The following LRRTM4 variants were observed in gnomAD, a reference collection of about 807,000 sequenced individuals.
The protein encoded by LRRTM4 is leucine rich repeat transmembrane neuronal 4.
A neutral mutation model predicts 47.6 loss-of-function variants in LRRTM4; 25 were observed. That is an observed-to-expected ratio of 0.53 (90% confidence interval 0.38 to 0.73). LRRTM4 has a LOEUF of 0.73. LRRTM4 is among the 30% of genes least tolerant of loss of function. The probability of loss-of-function intolerance (pLI) is 0.00; values close to 1 mark genes in which losing one functional copy is unlikely to be tolerated. For synonymous variants in LRRTM4, 311 were observed against 269.5 expected (o/e 1.15, Z -1.51); for missense variants, 638 against 713.4 (o/e 0.89, Z 1.20).
At chr2:76,829,408 G>A (rs923032372) in intron 3 of LRRTM4, among the ~76,000 whole-genome samples, 4 of 151,754 alleles carry the variant, frequency 2.6e-5, no homozygotes, top group East Asian at 1.9e-4. Context: ...CTAAGGATTC[G>A]GTTTAATCCT....
chr2:77,411,039 A>G (rs770852291), intron 3 of LRRTM4, among the ~76,000 whole-genome samples: 6 of 152,216 alleles, frequency 3.9e-5, no homozygotes, highest in Non-Finnish European at 8.8e-5. Flanking sequence ...ATAAATCCTG[A>G]GCATTAGAAA....
chr2:77,308,064 A>G (rs13393008), intron 3 of LRRTM4, among the ~76,000 whole-genome samples: 65 of 142,514 alleles, frequency 4.6e-4, no homozygotes, highest in African/African-American at 1.6e-3. Flanking sequence ...ATATCTATAT[A>G]TCTATATAAC....
chr2:77,348,334 A>G (rs975335146), intron 3 of LRRTM4, among the ~76,000 whole-genome samples: 8 of 151,812 alleles, frequency 5.3e-5, no homozygotes, highest in African/African-American at 1.7e-4. Flanking sequence ...AAATTTTAAA[A>G]AAGGAAATTT....
chr2:77,084,698 G>A (rs1680652296), intron 3 of LRRTM4, among the ~76,000 whole-genome samples: 1 of 152,062 alleles, frequency 6.6e-6, no homozygotes. Context: ...AGCATCAGCT[G>A]GTGTCATCAT....
At chr2:77,116,205 G>T (rs1671384633) in intron 3 of LRRTM4, among the ~76,000 whole-genome samples, 1 of 151,080 alleles carries the variant, frequency 6.6e-6, no homozygotes, top group African/African-American at 2.4e-5. Context: ...TTAATATACT[G>T]AATTCTGAAT....
At position 77,519,461 on chromosome 2, in the gene LRRTM4, G is replaced by T. The variant is rs1679386892; in HGVS notation, c.408C>A (p.Arg136=). ...GCTTATTGTAGGAGAGGTCCAGATT[G>T]CGGAGATTGGGAACTGGGTGAAATG... ...NKTFHPVPNL[R]NLDLSYNKLQ... Residue 136 remains arginine (R), a synonymous_variant, in exon 3 of 4, where the codon CGC becomes CGA. Transcript: ENST00000409884. The surrounding 1 kb of genome is among the most constrained non-coding windows in gnomAD (Gnocchi z 4.6). 1 of 1,613,492 alleles carries T rather than the reference G, an allele frequency of 6.2e-7. No homozygotes were observed. Among genetic ancestry groups the T allele is most frequent in the Non-Finnish European group, 8.5e-7 (1 of 1,179,642 alleles).
intron 3 of LRRTM4, among the ~76,000 whole-genome samples, chr2:76,957,230 T>C (rs879838323): frequency 7.9e-5 from 12 of 151,666 alleles, no homozygotes; most frequent in Non-Finnish European, 1.0e-4. Flanking sequence ...GAACCAGATG[T>C]AGAATACTGG....
At chr2:77,069,424 TG>T (rs1357860772) in intron 3 of LRRTM4, among the ~76,000 whole-genome samples, 56 of 148,536 alleles carry the variant, frequency 3.8e-4, no homozygotes, top group African/African-American at 1.4e-3. Flanking sequence ...TGTGTGTGTG[TG>T]TGTGTGTGTG....
chr2:77,079,149 T>C (rs1349522969), intron 3 of LRRTM4, among the ~76,000 whole-genome samples: 1 of 152,174 alleles, frequency 6.6e-6, no homozygotes, highest in African/African-American at 2.4e-5. Context: ...ACACTACAAG[T>C]AAAAAGAAAC....
intron 3 of LRRTM4, among the ~76,000 whole-genome samples, chr2:77,116,777 C>T (rs892964647): frequency 2.6e-5 from 4 of 152,030 alleles, no homozygotes; most frequent in Non-Finnish European, 5.9e-5. Flanking sequence ...AAACAACCTC[C>T]CTTTCTGTTT....
intron 3 of LRRTM4, among the ~76,000 whole-genome samples, chr2:77,143,552 T>C (rs1160049298): frequency 6.6e-6 from 1 of 152,178 alleles, no homozygotes; most frequent in East Asian, 1.9e-4. Context: ...TAAATTACTT[T>C]GTCTCTCCAA....
chr2:76,960,354 G>C (rs1387951501), intron 3 of LRRTM4, among the ~76,000 whole-genome samples: 1 of 151,356 alleles, frequency 6.6e-6, no homozygotes, highest in Non-Finnish European at 1.5e-5. Context: ...TTTGTTTTAT[G>C]ATTTTCTATT....
At chr2:76,863,908 A>G (rs976700852) in intron 3 of LRRTM4, among the ~76,000 whole-genome samples, 4 of 152,188 alleles carry the variant, frequency 2.6e-5, no homozygotes, top group African/African-American at 9.6e-5. Flanking sequence ...CATCTCATTT[A>G]ATAAGAATAA....
chr2:76,939,622 A>C (rs1256719006), intron 3 of LRRTM4, among the ~76,000 whole-genome samples: 1 of 152,028 alleles, frequency 6.6e-6, no homozygotes. Flanking sequence ...TACTTGTTAT[A>C]AAAAATATCC....
chr2:76,901,685 C>T (rs951251087), intron 3 of LRRTM4, among the ~76,000 whole-genome samples: 5 of 152,086 alleles, frequency 3.3e-5, no homozygotes, highest in Admixed American at 1.3e-4. Context: ...AGATATGTGT[C>T]GGAGACCAGA....
At chr2:77,022,976 C>T (rs1678327550) in intron 3 of LRRTM4, among the ~76,000 whole-genome samples, 1 of 152,242 alleles carries the variant, frequency 6.6e-6, no homozygotes, top group Admixed American at 6.5e-5. Flanking sequence ...CTGCACTGCC[C>T]TAGCAAAGGT....
chr2:76,786,537 G>T (rs1179270044), intron 3 of LRRTM4, among the ~76,000 whole-genome samples: 1 of 121,516 alleles, frequency 8.2e-6, no homozygotes, highest in African/African-American at 2.7e-5. Flanking sequence ...CTCTTTGAAG[G>T]AGTTGTCTGA....
chr2:77,259,403 T>C (rs988960158), intron 3 of LRRTM4, among the ~76,000 whole-genome samples: 5 of 152,218 alleles, frequency 3.3e-5, no homozygotes, highest in African/African-American at 1.2e-4. Context: ...ATATTAGCTG[T>C]CATAAATCAT....
At chr2:77,503,689 T>G (rs1051643507) in intron 3 of LRRTM4, among the ~76,000 whole-genome samples, 12 of 151,204 alleles carry the variant, frequency 7.9e-5, no homozygotes, top group African/African-American at 2.7e-4. Context: ...GATGTAGCCA[T>G]AAGAAAAACG....
Sources: gnomAD v4.1 joint callset for allele counts (sites outside exome capture counted in the v4.1 genomes callset) on GRCh38, gnomAD v4.1.1 for gene constraint, Gnocchi (gnomAD v3.1) non-coding constraint, MANE v1.5 for transcripts, NCBI Gene and HGNC (gene_info 2026-07-23, HGNC 2026-07-21) for gene names.